TMBIM4: variants seen among roughly 807,000 people sequenced by gnomAD.
The protein encoded by TMBIM4 is transmembrane BAX inhibitor motif containing 4.
A neutral mutation model predicts 27.7 loss-of-function variants in TMBIM4; 28 were observed. The ratio of observed to expected loss-of-function variants is 1.01; its 90% CI spans 0.75 to 1.38. TMBIM4 has a LOEUF of 1.38. Among genes scored for constraint, TMBIM4 ranks in the 40% most tolerant of loss-of-function variants. The probability of loss-of-function intolerance (pLI) is 0.00; values close to 1 mark genes in which losing one functional copy is unlikely to be tolerated. For synonymous variants in TMBIM4, 115 were observed against 113.1 expected (o/e 1.02, Z -0.11); for missense variants, 265 against 277.5 (o/e 0.95, Z 0.32).
At chr12:66,155,431 C>T (rs2051919229) in intron 1 of TMBIM4, among the ~76,000 whole-genome samples, 1 of 151,220 alleles carries the variant, frequency 6.6e-6, no homozygotes, top group African/African-American at 2.4e-5. Context: ...CCCCAATCTC[C>T]AGGGCTCAAG....
At chr12:66,152,194 T>A in intron 3 of TMBIM4, 77 bp downstream of exon 3, 1 of 723,686 alleles carries the variant, frequency 1.4e-6, no homozygotes, top group Non-Finnish European at 2.1e-6. Flanking sequence ...CTGCCGTTGT[T>A]ATATATGTAT....
At chr12:66,139,794 G>GAGAA in intron 5 of TMBIM4, 1 of 455,786 alleles carries the variant, frequency 2.2e-6, no homozygotes, top group Non-Finnish European at 4.4e-6. Context: ...AACCACAATA[G>GAGAA]AGAAGCAGGC....
chr12:66,161,862 G>A (rs1261162217), intron 1 of TMBIM4, among the ~76,000 whole-genome samples: 1 of 152,118 alleles, frequency 6.6e-6, no homozygotes. Flanking sequence ...AACATTGGAG[G>A]AGTATTTAAA....
chr12:66,157,500 G>A (rs1050216819), intron 1 of TMBIM4, among the ~76,000 whole-genome samples: 2 of 152,118 alleles, frequency 1.3e-5, no homozygotes, highest in African/African-American at 4.8e-5. Flanking sequence ...AAACCAATAA[G>A]GTTTAGGGTA....
chr12:66,157,890 G>A (rs2051962670), intron 1 of TMBIM4, among the ~76,000 whole-genome samples: 1 of 152,124 alleles, frequency 6.6e-6, no homozygotes, highest in Non-Finnish European at 1.5e-5. Context: ...GCTTCTTGCT[G>A]CTTATACTAA....
At chr12:66,165,956 C>T (rs764886723) in intron 1 of TMBIM4, among the ~76,000 whole-genome samples, 2 of 152,112 alleles carry the variant, frequency 1.3e-5, no homozygotes, top group Non-Finnish European at 2.9e-5. Flanking sequence ...ACTTCTGTTG[C>T]CTGTTTTTGG....
Position 66,137,881 on chromosome 12 carries a change from T to TA in TMBIM4, c.*78dup. The stretch of plus-strand genomic sequence containing the variant: ...ATTACTTAATGAAACAGTTTCTATA[T>TA]ACTGCTTCCAATTACTTTAATCCTT... On this transcript the variant is annotated 3_prime_UTR_variant, in exon 7 of 7. Transcript: ENST00000358230. The TA allele has an allele frequency of 1.7e-6, 2 of 1,149,452 alleles. No homozygotes were observed. Among genetic ancestry groups the TA allele is most frequent in the South Asian group, 2.6e-5 (2 of 75,512 alleles). 71.2% of individuals were successfully genotyped at this position (1,149,452 alleles called of 1,614,324 possible).
intron 1 of TMBIM4, among the ~76,000 whole-genome samples, chr12:66,160,742 C>G (rs958811921): frequency 2.0e-5 from 3 of 152,366 alleles, no homozygotes; most frequent in South Asian, 4.1e-4. Context: ...TCACCTCACA[C>G]TTGGAGGGTT....
At chr12:66,169,564 C>G in intron 1 of TMBIM4, 1 of 480,158 alleles carries the variant, frequency 2.1e-6, no homozygotes, top group Non-Finnish European at 3.6e-6. Context: ...TTCCATCTGT[C>G]CCTTCCTACA....
At chr12:66,167,185 C>T (rs1484023724) in intron 1 of TMBIM4, among the ~76,000 whole-genome samples, 2 of 152,188 alleles carry the variant, frequency 1.3e-5, no homozygotes, top group Non-Finnish European at 2.9e-5. Flanking sequence ...ATGGTGGATA[C>T]ATGTCATTAA....
chr12:66,164,922 T>A (rs1470044238), intron 1 of TMBIM4, among the ~76,000 whole-genome samples: 1 of 152,192 alleles, frequency 6.6e-6, no homozygotes, highest in East Asian at 1.9e-4. Flanking sequence ...AGTTACATTT[T>A]TATACACTAA....
rs1165305329 is a variant in TMBIM4 at position 66,137,143 on chromosome 12, T to G, written c.*817A>C. The G allele has an allele frequency of 1.3e-5, 2 of 152,222 alleles. No individual in the cohort carries two copies. The highest frequency in any genetic ancestry group is 2.9e-5 in the Non-Finnish European group (2 of 68,024). The allele number at this position is 152,222 out of a possible 1,614,324, so 9.4% of individuals were successfully genotyped here. Reference sequence around the variant, plus strand: ...ATTTAAAATAAAAAGTCATTAACATTTTAATGTAATACTGAATAATTCTCT... The same window carrying G: ...ATTTAAAATAAAAAGTCATTAACATGTTAATGTAATACTGAATAATTCTCT... On this transcript the variant is annotated 3_prime_UTR_variant, in exon 7 of 7. Coordinates refer to ENST00000358230, the MANE Select transcript of TMBIM4 (RefSeq NM_016056.4).
intron 1 of TMBIM4, among the ~76,000 whole-genome samples, chr12:66,159,424 C>G (rs1174143456): frequency 6.6e-6 from 1 of 152,106 alleles, no homozygotes; most frequent in Admixed American, 6.5e-5. Context: ...CCCAGTCAAG[C>G]CTTCATGTGA....
intron 1 of TMBIM4, 60 bp downstream of exon 1, chr12:66,169,795 T>C: frequency 7.5e-7 from 1 of 1,329,904 alleles, no homozygotes; most frequent in Non-Finnish European, 1.0e-6. Context: ...GGAAGTCGGC[T>C]TCTAGAGGCC....
At chr12:66,159,774 T>C (rs1054960470) in intron 1 of TMBIM4, among the ~76,000 whole-genome samples, 1 of 152,052 alleles carries the variant, frequency 6.6e-6, no homozygotes, top group Non-Finnish European at 1.5e-5. Context: ...CGCTAGAGGG[T>C]TATTTATTGC....
chr12:66,154,040 G>T (rs1049070777), intron 1 of TMBIM4, among the ~76,000 whole-genome samples: 5 of 151,926 alleles, frequency 3.3e-5, no homozygotes, highest in Admixed American at 1.3e-4. Flanking sequence ...CACCTCTAAG[G>T]CTTAATGATT....
intron 1 of TMBIM4, among the ~76,000 whole-genome samples, chr12:66,158,614 G>A (rs1278732316): frequency 6.6e-6 from 1 of 150,478 alleles, no homozygotes; most frequent in East Asian, 2.0e-4. Context: ...CCACTGCACT[G>A]CAGCCTGGTG....
chr12:66,149,542 G>C (rs1353666394), intron 3 of TMBIM4, among the ~76,000 whole-genome samples: 1 of 151,708 alleles, frequency 6.6e-6, no homozygotes, highest in Non-Finnish European at 1.5e-5. Flanking sequence ...AAGATTTTAG[G>C]AAAGAAATCC....
rs771104985 is a variant in TMBIM4 at position 66,138,168 on chromosome 12, T to C, written c.511-2A>G. ...CATTATCTCACTATAAAAAAAAAACTATAGGGAAGAGATTAAAGAAATATG... is the reference window on the plus strand; with the variant it reads ...CATTATCTCACTATAAAAAAAAAACCATAGGGAAGAGATTAAAGAAATATG... On this transcript the variant is annotated splice_acceptor_variant, in intron 6 of 6. Transcript: ENST00000358230. LOFTEE classifies it high-confidence loss of function. 14 of 1,599,352 alleles carry C rather than the reference T, an allele frequency of 8.8e-6. No individual in the cohort carries two copies. The Middle Eastern group carries it at 8.3e-4, about 95-fold the overall frequency.
Sources: gnomAD v4.1 joint callset for allele counts (sites outside exome capture counted in the v4.1 genomes callset) on GRCh38, gnomAD v4.1.1 for gene constraint, MANE v1.5 for transcripts, NCBI Gene and HGNC (gene_info 2026-07-23, HGNC 2026-07-21) for gene names.